Variants in ACSM6 observed in about 807,000 individuals in gnomAD.
ACSM6 encodes the protein acyl-CoA synthetase medium chain family member 6, also known as acyl-coenzyme A synthetase ACSM6, mitochondrial.
Under a neutral mutation model 51.1 loss-of-function variants are expected in ACSM6, and 35 were observed. The ratio of observed to expected loss-of-function variants is 0.69; its 90% CI spans 0.52 to 0.91. The LOEUF is 0.91. Among genes scored for constraint, ACSM6 ranks in the 40% least tolerant of loss-of-function variants. ACSM6 has a pLI of 0.00. For missense variants in ACSM6, 509 were observed against 584.1 expected, an observed-to-expected ratio of 0.87 and a Z score of 1.32; for synonymous variants, 172 against 207.3, an observed-to-expected ratio of 0.83 and a Z score of 1.46.
chr10:95,202,080 G>A (rs1406209496), exon 3 of ACSM6: 2 of 1,552,046 alleles, frequency 1.3e-6, no homozygotes, highest in Non-Finnish European at 1.7e-6. Flanking sequence ...AACTCTCCAA[G>A]AAGGCCGCCA....
At chr10:95,225,644 T>C (rs2035030079) in intron 10 of ACSM6, 1 of 333,462 alleles carries the variant, frequency 3.0e-6, no homozygotes, top group African/African-American at 2.1e-5. Flanking sequence ...TATGACACTT[T>C]GTCCTTAAAT....
exon 2 of ACSM6, chr10:95,194,492 G>A: frequency 6.4e-7 from 1 of 1,551,564 alleles, no homozygotes; most frequent in Non-Finnish European, 8.7e-7. Flanking sequence ...CCAAATGCTA[G>A]GCCGATTTCA....
intron 3 of ACSM6, 125 bp from the exon 4 acceptor site, chr10:95,207,083 T>A: frequency 1.2e-6 from 1 of 848,318 alleles, no homozygotes; most frequent in Non-Finnish European, 1.9e-6. Context: ...ACTGACCCAA[T>A]AGAGAAGAGA....
intron 2 of ACSM6, among the ~76,000 whole-genome samples, chr10:95,201,018 G>T (rs767832575): frequency 1.3e-5 from 2 of 152,122 alleles, no homozygotes; most frequent in Non-Finnish European, 2.9e-5. Context: ...TCACTAAGAG[G>T]TATTGGAAAT....
intron 8 of ACSM6, 141 bp from the exon 9 acceptor site, chr10:95,219,749 AT>A (rs1010403224): frequency 7.0e-4 from 408 of 582,344 alleles, no homozygotes; most frequent in South Asian, 9.6e-4. Context: ...CTCCTGCTTG[AT>A]TTTTTTTTAA....
rs1313738547 is a variant in ACSM6, at chr10:95,225,364, A to G, written c.1275A>G (p.Gln425=). ...TTGCAATCCGCATAAAACTAAACCA[A>G]CCTGCTTCTCTGTACTGTCCACACA... Residue 425 remains glutamine (Q), a synonymous_variant, in exon 10 of 11, where the codon CAA becomes CAG. Transcript: ENST00000341686. 1.9e-6 allele frequency: 3 copies of G among 1,551,284 alleles called. No homozygotes were observed. In the African/African-American group the frequency reaches 4.1e-5, roughly 21 times the overall value.
At chr10:95,228,834 ACT>A (rs1244822096) in exon 11 of ACSM6, 1 of 1,485,876 alleles carries the variant, frequency 6.7e-7, no homozygotes, top group East Asian at 2.5e-5. Flanking sequence ...TTTGAAGAAG[ACT>A]CTGGACTGCT....
intron 3 of ACSM6, among the ~76,000 whole-genome samples, chr10:95,203,518 C>T (rs891034718): frequency 6.6e-6 from 1 of 152,046 alleles, no homozygotes; most frequent in Non-Finnish European, 1.5e-5. Context: ...CCTTGAGAGT[C>T]ACCCTGAATG....
At chr10:95,210,908 C>A in intron 5 of ACSM6, 115 bp downstream of exon 5, 8 of 1,244,034 alleles carry the variant, frequency 6.4e-6, no homozygotes, top group South Asian at 3.4e-5. Flanking sequence ...CAGAAAGTGT[C>A]AATATTGAGA....
intron 9 of ACSM6, among the ~76,000 whole-genome samples, chr10:95,223,462 G>A (rs1464591709): frequency 1.3e-5 from 2 of 151,840 alleles, no homozygotes; most frequent in East Asian, 3.9e-4. Flanking sequence ...AACCTAACAA[G>A]GAACATATAA....
At chr10:95,213,179 A>C (rs988176396) in intron 7 of ACSM6, among the ~76,000 whole-genome samples, 4 of 152,218 alleles carry the variant, frequency 2.6e-5, no homozygotes, top group African/African-American at 9.6e-5. Flanking sequence ...GAGTTTGTTA[A>C]AAAATTTATA....
At chr10:95,228,569 G>A in intron 10 of ACSM6, 75 bp from the exon 11 acceptor site, 1 of 1,437,822 alleles carries the variant, frequency 7.0e-7, no homozygotes, top group Non-Finnish European at 9.2e-7. Context: ...GGGCTAGCCA[G>A]AGTGCTCAAT....
intron 4 of ACSM6, among the ~76,000 whole-genome samples, chr10:95,209,050 A>T (rs1176912000): frequency 1.3e-5 from 2 of 152,064 alleles, no homozygotes; most frequent in Non-Finnish European, 2.9e-5. Flanking sequence ...AATTATCAAT[A>T]TAATAAAGTT....
intron 4 of ACSM6, among the ~76,000 whole-genome samples, chr10:95,207,775 A>G (rs759526965): frequency 7.6e-6 from 1 of 131,324 alleles, no homozygotes; most frequent in Non-Finnish European, 1.7e-5. Flanking sequence ...CAAAAAACTT[A>G]TATATAGACT....
intron 4 of ACSM6, among the ~76,000 whole-genome samples, chr10:95,209,240 T>C (rs2034871288): frequency 6.6e-6 from 1 of 151,798 alleles, no homozygotes; most frequent in Admixed American, 6.6e-5. Flanking sequence ...AACTCAGAGG[T>C]AAAGGACCTG....
At chr10:95,198,881 T>C (rs2034762563) in intron 2 of ACSM6, among the ~76,000 whole-genome samples, 1 of 152,190 alleles carries the variant, frequency 6.6e-6, no homozygotes, top group South Asian at 2.1e-4. Context: ...GAACATTCCA[T>C]GCTCACGGGT....
At chr10:95,225,361 C>A in exon 10 of ACSM6, 1 of 1,551,482 alleles carries the variant, frequency 6.4e-7, no homozygotes. Context: ...TAAAACTAAA[C>A]CAACCTGCTT....
intron 10 of ACSM6, among the ~76,000 whole-genome samples, chr10:95,226,815 A>T (rs1021587027): frequency 1.3e-5 from 2 of 152,226 alleles, no homozygotes; most frequent in Non-Finnish European, 2.9e-5. Context: ...AAAGCATATT[A>T]ACTCATAATG....
intron 2 of ACSM6, among the ~76,000 whole-genome samples, chr10:95,195,140 T>C (rs2034712916): frequency 6.6e-6 from 1 of 152,196 alleles, no homozygotes; most frequent in East Asian, 1.9e-4. Context: ...ACATACAAAA[T>C]TTTAGAAGCC....
Sources: allele counts gnomAD v4.1 joint callset (sites outside exome capture counted in the v4.1 genomes callset), GRCh38; gene constraint gnomAD v4.1.1; transcripts MANE v1.5; gene names NCBI Gene and HGNC (gene_info 2026-07-23, HGNC 2026-07-21).